ITGAE: variants seen among roughly 807,000 people sequenced by gnomAD.
The protein encoded by ITGAE is integrin alpha-E.
ITGAE carries 99 observed loss-of-function variants against 136.5 expected under a neutral mutation model. The observed-to-expected ratio is 0.73, with a 90% CI of 0.62 to 0.86. ITGAE has a LOEUF of 0.86. Among genes scored for constraint, ITGAE ranks in the 40% least tolerant of loss-of-function variants. ITGAE has a pLI of 0.00. For synonymous variants in ITGAE, 613 were observed against 591.8 expected (o/e 1.04, Z -0.52); for missense variants, 1,447 against 1,515.3 (o/e 0.95, Z 0.75).
rs551136129 is a variant in ITGAE, at chr17:3,751,782, G to A, written c.1761C>T (p.Leu587=). The change falls in exon 15 of 31, where the codon CTC becomes CTT. Residue 587 remains leucine (L), a synonymous_variant. Coordinates refer to ENST00000263087, the MANE Select transcript of ITGAE (RefSeq NM_002208.5). ...FGFAMAAMGD[L]SQDKLTDVAI... Reference sequence around the variant, plus strand: ...CCACATCTGTGAGCTTATCCTGACTGAGATCCCCCATAGCCGCCATGGCAA... The same window carrying A: ...CCACATCTGTGAGCTTATCCTGACTAAGATCCCCCATAGCCGCCATGGCAA... The A allele has an allele frequency of 6.2e-6, 10 of 1,614,130 alleles. No individual in the cohort carries two copies. In the South Asian group the frequency reaches 7.7e-5, roughly 12 times the overall value.
At chr17:3,758,255 T>C (rs1352756010) in intron 8 of ITGAE, among the ~76,000 whole-genome samples, 2 of 152,202 alleles carry the variant, frequency 1.3e-5, no homozygotes, top group Admixed American at 6.5e-5. Context: ...TATTTTTCTT[T>C]CTTTTTTAGA....
At chr17:3,765,367 A>AG (rs2052274313) in intron 2 of ITGAE, among the ~76,000 whole-genome samples, 1 of 151,362 alleles carries the variant, frequency 6.6e-6, no homozygotes. Flanking sequence ...AAAAAAAAAA[A>AG]AAAGGTCATG....
intron 1 of ITGAE, among the ~76,000 whole-genome samples, chr17:3,778,942 G>A (rs1485038215): frequency 1.3e-5 from 2 of 152,070 alleles, no homozygotes; most frequent in Non-Finnish European, 2.9e-5. Context: ...CCCTGATGTA[G>A]GGAAAGGGAA....
Position 3,714,941 on chromosome 17 carries a change from C to T in ITGAE, c.3446G>A (p.Cys1149Tyr). The T allele has an allele frequency of 2.5e-6, 4 of 1,587,998 alleles. No individual in the cohort carries two copies. The highest frequency in any genetic ancestry group is 3.4e-6 in the Non-Finnish European group (4 of 1,162,696). ...TTGATATTTTCTTTTAAAAAAGCCA[C>T]ACTGAAACAAAGGAAGGAAAAGTCC... Reference protein sequence around the residue: ...LIVILVILFKCGFFKRKYQQL... With the variant: ...LIVILVILFKYGFFKRKYQQL... Residue 1149 changes from cysteine to tyrosine, a missense_variant and splice_region_variant, in exon 31 of 31, where the codon TGT becomes TAT. Physicochemically the swap from Cys to Tyr is radical, Grantham distance 194 (BLOSUM62 -2). Coordinates refer to ENST00000263087, the MANE Select transcript of ITGAE (RefSeq NM_002208.5).
At chr17:3,730,493 A>G (rs2051318026) in intron 23 of ITGAE, 1 of 144,260 alleles carries the variant, frequency 6.9e-6, no homozygotes, top group South Asian at 2.5e-4. Flanking sequence ...GAGATAAGCA[A>G]TTGGAGTTCA....
At chr17:3,746,136 C>T (rs1022496817) in intron 17 of ITGAE, among the ~76,000 whole-genome samples, 2 of 152,190 alleles carry the variant, frequency 1.3e-5, no homozygotes, top group African/African-American at 4.8e-5. Flanking sequence ...AGTGCTCCCG[C>T]CCCAAACCCG....
At chr17:3,750,934 T>G (rs2051849508) in intron 15 of ITGAE, among the ~76,000 whole-genome samples, 1 of 131,400 alleles carries the variant, frequency 7.6e-6, no homozygotes, top group African/African-American at 2.9e-5. Context: ...GGGCTGGGAG[T>G]GGGATGGCAA....
intron 1 of ITGAE, among the ~76,000 whole-genome samples, chr17:3,797,321 A>G (rs1309149795): frequency 4.0e-5 from 6 of 150,792 alleles, no homozygotes; most frequent in East Asian, 1.9e-4. Context: ...ACCCGCCACC[A>G]TGCCCAGCTA....
Position 3,751,873 on chromosome 17 carries a change from T to A in ITGAE, c.1670A>T (p.Asp557Val), listed in dbSNP as rs778161131. 4 of 1,613,184 alleles carry A rather than the reference T, an allele frequency of 2.5e-6. No individual in the cohort carries two copies. Among genetic ancestry groups the A allele is most frequent in the Non-Finnish European group, 2.5e-6 (3 of 1,179,342 alleles). ...RVYVYRLSEQ[D>V]GSFSLARILS... Reference sequence around the variant, plus strand: ...TATGCGTGCCAAGGAGAAAGAACCATCCTGTAAAGCAAACAAACAGCTCAG... The same window carrying A: ...TATGCGTGCCAAGGAGAAAGAACCAACCTGTAAAGCAAACAAACAGCTCAG... Residue 557 changes from aspartate (D) to valine (V), a missense_variant and splice_region_variant, in exon 15 of 31, where the codon GAT becomes GTT. Coordinates refer to ENST00000263087, the MANE Select transcript of ITGAE (RefSeq NM_002208.5).
intron 3 of ITGAE, among the ~76,000 whole-genome samples, 188 bp from the exon 4 acceptor site, chr17:3,762,170 T>TCCTGAGCAAATCA (rs1328979048): frequency 2.0e-5 from 3 of 152,198 alleles, no homozygotes; most frequent in Admixed American, 2.0e-4. Flanking sequence ...CAGGGCCGAG[T>TCCTGAGCAAATCA]GCCCATCCCC....
At chr17:3,751,511 CTTCT>C (rs1352152941) in intron 15 of ITGAE, 135 bp downstream of exon 15, 9 of 728,464 alleles carry the variant, frequency 1.2e-5, no homozygotes, top group Admixed American at 5.3e-5. Context: ...GCCTGGGGGA[CTTCT>C]TTCTTTCACT....
chr17:3,753,023 G>A (rs771946022), intron 14 of ITGAE, among the ~76,000 whole-genome samples: 1 of 152,226 alleles, frequency 6.6e-6, no homozygotes, highest in African/African-American at 2.4e-5. Context: ...ATTGCAGCCT[G>A]GGCAACGAGA....
rs764570623 is a variant in ITGAE at position 3,756,972 on chromosome 17, C to T, written c.1171+12G>A. The T allele has an allele frequency of 2.1e-5, 34 of 1,607,986 alleles. No individual in the cohort carries two copies. Among genetic ancestry groups the T allele is most frequent in the Admixed American group, 1.5e-4 (9 of 59,654 alleles). ...GGGCCTCCTGCGGTGGCCTGGGTCC[C>T]GGAGCCCTCACCTTCCATGCTGATG... is the stretch of plus-strand genomic sequence containing the variant. On this transcript the variant is annotated intron_variant, in intron 10 of 30. Coordinates refer to ENST00000263087, the MANE Select transcript of ITGAE (RefSeq NM_002208.5).
intron 2 of ITGAE, among the ~76,000 whole-genome samples, chr17:3,774,155 G>GA (rs113344582): frequency 0.093 from 14,141 of 151,990 alleles, 706 homozygotes; most frequent in East Asian, 0.17. Flanking sequence ...CAGGAACCCT[G>GA]GCTCCTCACC....
chr17:3,731,258 G>T (rs1219589590), intron 22 of ITGAE, 75 bp from the exon 23 acceptor site: 1 of 1,102,318 alleles, frequency 9.1e-7, no homozygotes, highest in Non-Finnish European at 1.4e-6. Context: ...GCTACTCGTG[G>T]AACAGACCTA....
intron 2 of ITGAE, among the ~76,000 whole-genome samples, chr17:3,776,527 G>C (rs994364309): frequency 7.2e-5 from 11 of 152,194 alleles, no homozygotes; most frequent in Non-Finnish European, 1.3e-4. Flanking sequence ...CTGAACCCTG[G>C]CTGCCAGAGC....
chr17:3,768,136 T>C (rs1390900822), intron 2 of ITGAE, among the ~76,000 whole-genome samples: 1 of 152,032 alleles, frequency 6.6e-6, no homozygotes, highest in East Asian at 1.9e-4. Context: ...CATGTAATTT[T>C]TTTTTTAAGA....
At chr17:3,753,982 C>A (rs1156800736) in intron 12 of ITGAE, 57 bp from the exon 13 acceptor site, 11 of 1,578,844 alleles carry the variant, frequency 7.0e-6, no homozygotes, top group Non-Finnish European at 9.5e-6. Flanking sequence ...TGGCCTCTCT[C>A]TTGGCCCCGG....
At chr17:3,728,638 G>T (rs2051271834) in intron 24 of ITGAE, among the ~76,000 whole-genome samples, 1 of 149,780 alleles carries the variant, frequency 6.7e-6, no homozygotes, top group Non-Finnish European at 1.5e-5. Flanking sequence ...CTCCCAAAGT[G>T]CTGGGATGAC....
Sources: allele counts gnomAD v4.1 joint callset (sites outside exome capture counted in the v4.1 genomes callset), GRCh38; gene constraint gnomAD v4.1.1; transcripts MANE v1.5; gene names NCBI Gene and HGNC (gene_info 2026-07-23, HGNC 2026-07-21).